Variants in CORO1B observed in about 807,000 individuals in gnomAD.
The protein encoded by CORO1B is coronin 1B.
In CORO1B, 30 loss-of-function variants were observed where a neutral mutation model predicts 51.1. The ratio of observed to expected loss-of-function variants is 0.59; its 90% CI spans 0.44 to 0.80. The LOEUF is 0.80. Among genes scored for constraint, CORO1B ranks in the 30% least tolerant of loss-of-function variants. The pLI is 0.00. For synonymous variants in CORO1B, 310 were observed against 289.7 expected, an observed-to-expected ratio of 1.07 and a Z score of -0.71; for missense variants, 648 against 700.4, an observed-to-expected ratio of 0.93 and a Z score of 0.84.
Position 67,435,608 on chromosome 11 carries a change from G to T in CORO1B, c.*2768C>A. On this transcript the variant is annotated 3_prime_UTR_variant, in exon 11 of 11. Coordinates refer to ENST00000341356, the MANE Select transcript of CORO1B (RefSeq NM_020441.3). ...CGGGGTACACATGGACTTGGGAACT[G>T]GTAGGGGGTGACAGTCTGAGGCATG... 7.1e-7 allele frequency: 1 copy of T among 1,408,332 alleles called. No individual in the cohort carries two copies. The allele number at this position is 1,408,332 out of a possible 1,614,324, so 87.2% of individuals were successfully genotyped here.
intron 1 of CORO1B, 124 bp from the exon 2 acceptor site, chr11:67,442,754 C>T (rs567364140): frequency 4.6e-5 from 42 of 919,798 alleles, no homozygotes; most frequent in Non-Finnish European, 6.1e-5. Context: ...TCCTGGGTCT[C>T]GGTTTACCCA....
In CORO1B at chr11:67,438,331, G is replaced by T; in HGVS notation, c.*45C>A. 6.4e-7 allele frequency: 1 copy of T among 1,560,024 alleles called. No homozygotes were observed. On this transcript the variant is annotated 3_prime_UTR_variant, in exon 11 of 11. Coordinates refer to ENST00000341356, the MANE Select transcript of CORO1B (RefSeq NM_020441.3). ...GCGACCCGCTGGCAGAAGCTGAGTGGGAAGGGGGCGGCGGAGGAGATGAAG... is the reference window on the plus strand; with the variant it reads ...GCGACCCGCTGGCAGAAGCTGAGTGTGAAGGGGGCGGCGGAGGAGATGAAG...
Position 67,442,545 on chromosome 11 carries a change from G to A in CORO1B, c.84C>T (p.Asp28=). ...QPVKNDQCYE[D]IRVSRVTWDS... ...CCCAGGTAACACGGGACACGCGAAT[G>A]TCCTCATAGCACTGGTCGTTCTTGA... The change falls in exon 2 of 11, where the codon GAC becomes GAT. Residue 28 remains aspartate (D), a synonymous_variant. Transcript: ENST00000341356. 2 of 1,613,830 alleles carry A rather than the reference G, an allele frequency of 1.2e-6. No homozygotes were observed. Among genetic ancestry groups the A allele is most frequent in the Non-Finnish European group, 1.7e-6 (2 of 1,180,022 alleles).
At chr11:67,442,202 C>T in intron 2 of CORO1B, 114 bp from the exon 3 acceptor site, 1 of 1,513,800 alleles carries the variant, frequency 6.6e-7, no homozygotes, top group South Asian at 1.2e-5. Flanking sequence ...CCAGATGTGA[C>T]TGTGCCCCAC....
At position 67,438,755 on chromosome 11, in the gene CORO1B, G is replaced by C; in HGVS notation, c.1260C>G (p.Ala420=). The change falls in exon 10 of 11, where the codon GCC becomes GCG. Residue 420 remains alanine, a synonymous_variant. Coordinates refer to ENST00000341356, the MANE Select transcript of CORO1B (RefSeq NM_020441.3). ...GGGCCCCTAGGTGGGAGGAGCCCGG[G>C]GCCATGGCGGGCCGGCTGTCAGACA... The part of the protein sequence containing the change: ...NVLSDSRPAM[A]PGSSHLGAPA... 1 of 1,564,682 alleles carries C rather than the reference G, an allele frequency of 6.4e-7. No individual in the cohort carries two copies. Among genetic ancestry groups the C allele is most frequent in the Non-Finnish European group, 8.6e-7 (1 of 1,158,460 alleles).
rs143585970 is a variant in CORO1B at position 67,440,371 on chromosome 11, G to A, written c.825C>T (p.Tyr275=). 250 of 1,613,738 alleles carry A rather than the reference G, an allele frequency of 1.5e-4. No individual in the cohort carries two copies. Among genetic ancestry groups the A allele is most frequent in the Middle Eastern group, 3.3e-4 (2 of 6,084 alleles). The part of the protein sequence containing the change: ...DSSNGALLPF[Y]DPDTSVVYVC... ...CGTAGACCACACTGGTGTCGGGGTC[G>A]TAGAAGGGCAGCAGGGCCCCGTTGC... The change falls in exon 7 of 11, where the codon TAC becomes TAT. Residue 275 remains tyrosine (Y), a synonymous_variant. Coordinates refer to ENST00000341356, the MANE Select transcript of CORO1B (RefSeq NM_020441.3).
intron 6 of CORO1B, chr11:67,440,899 C>T (rs549718664): frequency 1.3e-5 from 9 of 673,980 alleles, no homozygotes; most frequent in Non-Finnish European, 2.1e-5. Context: ...TTGGCATGAA[C>T]AACATGGGCA....
In CORO1B at chr11:67,436,717, C is replaced by G. The variant is rs943130422; in HGVS notation, c.*1659G>C. On this transcript the variant is annotated 3_prime_UTR_variant, in exon 11 of 11. Coordinates refer to ENST00000341356, the MANE Select transcript of CORO1B (RefSeq NM_020441.3). ...TCACCCCAGTGAGGCTGAACCTGAC[C>G]TTAACCTCTACCCTGATGTCTATCA... 4.2e-6 allele frequency: 1 copy of G among 239,342 alleles called. No homozygotes were observed. Among genetic ancestry groups the G allele is most frequent in the African/African-American group, 2.3e-5 (1 of 44,116 alleles). 14.8% of individuals were successfully genotyped at this position (239,342 alleles called of 1,614,324 possible). A position where few individuals can be genotyped will look rare whatever the true frequency, so the allele number is the denominator to read the frequency against.
intron 4 of CORO1B, 31 bp downstream of exon 4, chr11:67,441,702 G>T (rs368936463): frequency 5.4e-5 from 77 of 1,413,798 alleles, no homozygotes; most frequent in Non-Finnish European, 4.4e-5. Context: ...TCCGTGGGGG[G>T]GGGGAGCACA....
chr11:67,436,650 C>T lies in CORO1B; in HGVS notation c.*1726G>A. On this transcript the variant is annotated 3_prime_UTR_variant, in exon 11 of 11. Coordinates refer to ENST00000341356, the MANE Select transcript of CORO1B (RefSeq NM_020441.3). The stretch of plus-strand genomic sequence containing the variant: ...GGAAAGCTCCACCTCCTCCCATCCT[C>T]CCCTCCCCCGGGCTGCATGGCCTGC... 1 of 333,028 alleles carries T rather than the reference C, an allele frequency of 3.0e-6. No individual in the cohort carries two copies. The highest frequency in any genetic ancestry group is 4.5e-5 in the Admixed American group (1 of 22,388). The allele number at this position is 333,028 out of a possible 1,614,324, so 20.6% of individuals were successfully genotyped here. A position where few individuals can be genotyped will look rare whatever the true frequency, so the allele number is the denominator to read the frequency against.
chr11:67,437,468 G>A lies in CORO1B; in HGVS notation c.*908C>T. ...CCCAGGGAGCCCAGCTCAGGTGAGA[G>A]AAAGGTTCAGCCTCTGCCATACTCC... is the stretch of plus-strand genomic sequence containing the variant. On this transcript the variant is annotated 3_prime_UTR_variant, in exon 11 of 11. Coordinates refer to ENST00000341356, the MANE Select transcript of CORO1B (RefSeq NM_020441.3). The A allele has an allele frequency of 3.1e-6, 3 of 968,996 alleles. No homozygotes were observed. In the East Asian group the frequency reaches 9.1e-5, roughly 30 times the overall value. The allele number at this position is 968,996 out of a possible 1,614,324, so 60.0% of individuals were successfully genotyped here.
intron 6 of CORO1B, chr11:67,440,670 G>A (rs1346174613): frequency 4.4e-6 from 3 of 681,432 alleles, no homozygotes; most frequent in South Asian, 1.5e-5. Context: ...TTAAGACTAT[G>A]CCCAGGCCAC....
At position 67,443,460 on chromosome 11, in the gene CORO1B, C is replaced by G. The variant is rs1257589162; in HGVS notation, c.-59G>C. 12 of 986,170 alleles carry G rather than the reference C, an allele frequency of 1.2e-5. No individual in the cohort carries two copies. The highest frequency in any genetic ancestry group is 1.3e-5 in the Non-Finnish European group (11 of 830,172). The allele number at this position is 986,170 out of a possible 1,614,324, so 61.1% of individuals were successfully genotyped here. On this transcript the variant is annotated 5_prime_UTR_variant, in exon 1 of 11. Transcript: ENST00000341356. The stretch of plus-strand genomic sequence containing the variant: ...ACCGGCTTCGGGCGGCTCCGGATCC[C>G]GGCCTCTGGGAAGCAGGAAGCAGGA...
upstream of CORO1B, chr11:67,443,787 CAT>C: frequency 1.0e-6 from 1 of 985,352 alleles, no homozygotes; most frequent in Non-Finnish European, 1.2e-6. Context: ...TCTTGCTCCT[CAT>C]AATGGCATCC....
In CORO1B at chr11:67,435,749, TG is replaced by T; in HGVS notation, c.*2626del. The T allele has an allele frequency of 6.5e-7, 1 of 1,544,748 alleles. No individual in the cohort carries two copies. Among genetic ancestry groups the T allele is most frequent in the South Asian group, 1.2e-5 (1 of 82,586 alleles). ...GACCGGCCTCTACAGTGCGGTGACA[TG>T]GAGGCCCTGGCCCCCAGCTGCCCTG... On this transcript the variant is annotated 3_prime_UTR_variant, in exon 11 of 11. Transcript: ENST00000341356.
At chr11:67,438,634 G>A (rs1192104173) in intron 10 of CORO1B, 37 bp downstream of exon 10, 3 of 1,514,442 alleles carry the variant, frequency 2.0e-6, no homozygotes, top group Non-Finnish European at 2.7e-6. Flanking sequence ...GGCCACACCT[G>A]GGGCTCCCAG....
rs141337120 is a variant in CORO1B, at chr11:67,442,562, C to T, written c.67G>A (p.Asp23Asn). 1.8e-5 allele frequency: 29 copies of T among 1,613,706 alleles called. No homozygotes were observed. Among genetic ancestry groups the T allele is most frequent in the Admixed American group, 8.3e-5 (5 of 60,006 alleles). ...RHVFGQPVKN[D>N]QCYEDIRVSR... ...ACGCGAATGTCCTCATAGCACTGGT[C>T]GTTCTTGACCGGCTGCCCGAACACA... The change falls in exon 2 of 11, where the codon GAC (aspartate) becomes AAC (asparagine). Residue 23 changes from aspartate (D) to asparagine (N), a missense_variant. Coordinates refer to ENST00000341356, the MANE Select transcript of CORO1B (RefSeq NM_020441.3).
chr11:67,437,558 T>A lies in CORO1B; in HGVS notation c.*818A>T, dbSNP rs1864311879. 7.5e-7 allele frequency: 1 copy of A among 1,336,668 alleles called. No homozygotes were observed. The highest frequency in any genetic ancestry group is 1.5e-5 in the African/African-American group (1 of 66,504). The allele number at this position is 1,336,668 out of a possible 1,614,324, so 82.8% of individuals were successfully genotyped here. A position where few individuals can be genotyped will look rare whatever the true frequency, so the allele number is the denominator to read the frequency against. On this transcript the variant is annotated 3_prime_UTR_variant, in exon 11 of 11. Coordinates refer to ENST00000341356, the MANE Select transcript of CORO1B (RefSeq NM_020441.3). The stretch of plus-strand genomic sequence containing the variant: ...CTCCTTAGCTCCACAGGCCCAGACA[T>A]TCTAGCCCCGACCGCCTGTGGCCCC...
chr11:67,438,221 G>A lies in CORO1B; in HGVS notation c.*155C>T. 1 of 932,784 alleles carries A rather than the reference G, an allele frequency of 1.1e-6. No homozygotes were observed. Among genetic ancestry groups the A allele is most frequent in the African/African-American group, 1.6e-5 (1 of 60,732 alleles). 57.8% of individuals were successfully genotyped at this position (932,784 alleles called of 1,614,324 possible). On this transcript the variant is annotated 3_prime_UTR_variant, in exon 11 of 11. Coordinates refer to ENST00000341356, the MANE Select transcript of CORO1B (RefSeq NM_020441.3). ...GGAACAGTGAGGAAAGCTGGGCGCT[G>A]GCTTCGGCCTGGGCCTGGGACGGGT...
Sources: allele counts gnomAD v4.1 joint callset, GRCh38; gene constraint gnomAD v4.1.1; transcripts MANE v1.5; gene names NCBI Gene and HGNC (gene_info 2026-07-23, HGNC 2026-07-21).